The following FNBP1L variants were observed in gnomAD, a reference collection of about 807,000 sequenced individuals.
FNBP1L encodes the protein formin-binding protein 1-like.
In FNBP1L, 36 loss-of-function variants were observed where a neutral mutation model predicts 91.2. The observed-to-expected ratio is 0.39, with a 90% CI of 0.30 to 0.52. FNBP1L has a LOEUF of 0.52. Among genes scored for constraint, FNBP1L ranks in the 20% least tolerant of loss-of-function variants. The pLI, the probability that FNBP1L is intolerant of heterozygous loss-of-function variation, is 0.66. For synonymous variants in FNBP1L, 242 were observed against 237.0 expected (o/e 1.02, Z -0.19); for missense variants, 571 against 732.1 (o/e 0.78, Z 2.54).
chr1:93,511,788 A>G (rs1670854543), intron 2 of FNBP1L, among the ~76,000 whole-genome samples: 1 of 151,790 alleles, frequency 6.6e-6, no homozygotes, highest in Admixed American at 6.6e-5. Context: ...AAAACGGTGA[A>G]ACCCCGTCTC....
chr1:93,508,214 G>T (rs1439614175), intron 2 of FNBP1L, among the ~76,000 whole-genome samples: 1 of 151,972 alleles, frequency 6.6e-6, no homozygotes, highest in Non-Finnish European at 1.5e-5. Flanking sequence ...GCCAGGCACG[G>T]TGACATGTGC....
intron 1 of FNBP1L, among the ~76,000 whole-genome samples, chr1:93,471,817 T>C (rs1669297371): frequency 6.6e-6 from 1 of 152,236 alleles, no homozygotes; most frequent in African/African-American, 2.4e-5. Flanking sequence ...AGTTAGTCAT[T>C]TGTTTTGTGT....
intron 5 of FNBP1L, among the ~76,000 whole-genome samples, chr1:93,527,990 G>A (rs1374990272): frequency 6.6e-6 from 1 of 151,168 alleles, no homozygotes; most frequent in African/African-American, 2.4e-5. Flanking sequence ...AGAAAAAAAA[G>A]CCCACTAGAA....
chr1:93,542,845 G>C (rs888753341), intron 11 of FNBP1L, among the ~76,000 whole-genome samples: 1 of 145,836 alleles, frequency 6.9e-6, no homozygotes, highest in Non-Finnish European at 1.5e-5. Flanking sequence ...GTGCAATGGC[G>C]CGATCTTGGC....
chr1:93,531,087 A>G (rs978116704), intron 7 of FNBP1L, among the ~76,000 whole-genome samples: 2 of 152,220 alleles, frequency 1.3e-5, no homozygotes, highest in Non-Finnish European at 2.9e-5. Flanking sequence ...TATTAGTGTT[A>G]TAAACAGTTT....
At chr1:93,474,058 A>G (rs976372143) in intron 1 of FNBP1L, among the ~76,000 whole-genome samples, 6 of 152,182 alleles carry the variant, frequency 3.9e-5, no homozygotes, top group Non-Finnish European at 8.8e-5. Context: ...CAACCTGGCC[A>G]ACATCGTGAA....
At chr1:93,458,334 T>TG (rs1270332255) in intron 1 of FNBP1L, among the ~76,000 whole-genome samples, 2 of 152,130 alleles carry the variant, frequency 1.3e-5, no homozygotes, top group Admixed American at 6.5e-5. Context: ...CTTACTGTGT[T>TG]GCCCATGCTG....
chr1:93,546,493 T>C (rs1557822029), intron 12 of FNBP1L, among the ~76,000 whole-genome samples: 1 of 152,120 alleles, frequency 6.6e-6, no homozygotes. Context: ...TGAGTTGGAA[T>C]ATAATGAGTT....
chr1:93,516,217 T>A (rs1018237524), intron 2 of FNBP1L, among the ~76,000 whole-genome samples: 1 of 152,218 alleles, frequency 6.6e-6, no homozygotes, highest in Non-Finnish European at 1.5e-5. Context: ...TCTCATCTTT[T>A]CTGTTGACAC....
intron 12 of FNBP1L, among the ~76,000 whole-genome samples, chr1:93,545,122 A>G (rs1455268787): frequency 6.6e-6 from 1 of 152,154 alleles, no homozygotes; most frequent in Non-Finnish European, 1.5e-5. Context: ...TCATGCTTGA[A>G]CAAAGCTTAT....
intron 1 of FNBP1L, among the ~76,000 whole-genome samples, chr1:93,485,441 A>G (rs923628781): frequency 7.2e-5 from 11 of 152,222 alleles, no homozygotes; most frequent in South Asian, 2.1e-4. Flanking sequence ...GCTAGAAGAC[A>G]TAAAACCTAT....
At chr1:93,468,738 C>T (rs965121679) in intron 1 of FNBP1L, among the ~76,000 whole-genome samples, 1 of 152,070 alleles carries the variant, frequency 6.6e-6, no homozygotes, top group Non-Finnish European at 1.5e-5. Context: ...GCCCGATGGA[C>T]AAGTTTTTGT....
At chr1:93,468,706 C>T (rs1419144582) in intron 1 of FNBP1L, among the ~76,000 whole-genome samples, 1 of 152,186 alleles carries the variant, frequency 6.6e-6, no homozygotes, top group East Asian at 1.9e-4. Flanking sequence ...GCTAGGATTA[C>T]AGGTGTAAGC....
At chr1:93,507,175 AC>A (rs1185999153) in intron 2 of FNBP1L, among the ~76,000 whole-genome samples, 1 of 9,802 alleles carries the variant, frequency 1.0e-4, no homozygotes, top group African/African-American at 3.9e-4. Flanking sequence ...TCCCTCCCCC[AC>A]CCCCCCAAAC....
At chr1:93,544,393 A>G (rs1032852646) in intron 12 of FNBP1L, among the ~76,000 whole-genome samples, 177 bp downstream of exon 12, 13 of 152,074 alleles carry the variant, frequency 8.5e-5, no homozygotes, top group African/African-American at 2.4e-4. Flanking sequence ...TAGGTTAGAG[A>G]ATTTCCTTGG....
At chr1:93,504,319 G>A (rs373901277) in intron 2 of FNBP1L, among the ~76,000 whole-genome samples, 60 of 152,170 alleles carry the variant, frequency 3.9e-4, no homozygotes, top group African/African-American at 1.1e-3. Flanking sequence ...CATTGTGTCT[G>A]CTAAGAACAG....
intron 1 of FNBP1L, among the ~76,000 whole-genome samples, chr1:93,487,577 C>T (rs995453971): frequency 6.6e-6 from 1 of 152,052 alleles, no homozygotes; most frequent in African/African-American, 2.4e-5. Flanking sequence ...GGTGGAAATT[C>T]AGAAAAAGAG....
intron 2 of FNBP1L, among the ~76,000 whole-genome samples, chr1:93,513,926 T>C (rs895638327): frequency 3.3e-5 from 5 of 152,078 alleles, no homozygotes; most frequent in Admixed American, 6.6e-5. Flanking sequence ...CCAGGGCAAT[T>C]AGGCAGGAGA....
intron 8 of FNBP1L, among the ~76,000 whole-genome samples, chr1:93,534,059 T>TAC (rs1557815008): frequency 1.3e-5 from 2 of 152,068 alleles, no homozygotes; most frequent in Admixed American, 1.3e-4. Context: ...TAGAGGTATG[T>TAC]ATGTCTAAAA....
Sources: allele counts gnomAD v4.1 joint callset (sites outside exome capture counted in the v4.1 genomes callset), GRCh38; gene constraint gnomAD v4.1.1; transcripts MANE v1.5; gene names NCBI Gene and HGNC (gene_info 2026-07-23, HGNC 2026-07-21).